Variants in MYF6 observed in about 807,000 individuals in gnomAD.
MYF6 encodes the protein class C basic helix-loop-helix protein 4.
In MYF6, 20 loss-of-function variants were observed where a neutral mutation model predicts 21.7. The observed-to-expected ratio is 0.92, with a 90% CI of 0.65 to 1.34. The LOEUF (loss-of-function observed/expected upper bound fraction) is 1.34, where lower values mean the gene tolerates loss of function less well. Among genes scored for constraint, MYF6 ranks in the 40% most tolerant of loss-of-function variants. The pLI is 0.00. For missense variants in MYF6, 320 were observed against 304.1 expected, an observed-to-expected ratio of 1.05 and a Z score of -0.39; for synonymous variants, 124 against 124.7, an observed-to-expected ratio of 0.99 and a Z score of 0.04.
chr12:80,707,914 C>A lies in MYF6; in HGVS notation c.195C>A (p.Pro65=), dbSNP rs1346181920. 1 of 1,614,004 alleles carries A rather than the reference C, an allele frequency of 6.2e-7. No individual in the cohort carries two copies. The highest frequency in any genetic ancestry group is 8.5e-7 in the Non-Finnish European group (1 of 1,180,028). The change falls in exon 1 of 3, where the codon CCC becomes CCA. Residue 65 remains proline, a synonymous_variant. Transcript: ENST00000228641. ...DSSGEEHVLA[P]PGLQPPHCPG... ...GCGGAGAGGAACATGTCCTGGCGCC[C>A]CCGGGCCTGCAGCCTCCACACTGCC...
In MYF6 at chr12:80,708,551, T is replaced by A; in HGVS notation, c.547T>A (p.Cys183Ser). 1 of 1,585,598 alleles carries A rather than the reference T, an allele frequency of 6.3e-7. No individual in the cohort carries two copies. The highest frequency in any genetic ancestry group is 8.6e-7 in the Non-Finnish European group (1 of 1,162,466). Reference protein sequence around the residue: ...NLEGADFLRTCSSQWPSVSDH... With the variant: ...NLEGADFLRTSSSQWPSVSDH... ...TGAGGGTGCGGATTTCCTGCGCACC[T>A]GCAGCTCCCAGTGGCCAAGTGTTTC... Residue 183 changes from cysteine (C) to serine (S), a missense_variant, in exon 2 of 3, where the codon TGC becomes AGC. Physicochemically the swap from Cys to Ser is moderately radical, Grantham distance 112 (BLOSUM62 -1). Transcript: ENST00000228641.
chr12:80,708,743 C>T, intron 2 of MYF6, 99 bp from the exon 3 acceptor site: 1 of 1,516,010 alleles, frequency 6.6e-7, no homozygotes, highest in Non-Finnish European at 9.2e-7. Context: ...GCGCCGGGAC[C>T]AGGCCTTTCC....
chr12:80,708,331 C>G, intron 1 of MYF6, 93 bp downstream of exon 1: 1 of 1,517,854 alleles, frequency 6.6e-7, no homozygotes, highest in Non-Finnish European at 8.9e-7. Context: ...TCTTTTTTCC[C>G]TTCCCCCTTT....
rs533851756 is a variant in MYF6 at position 80,709,328 on chromosome 12, TG to T, written c.*369del. ...TCTAAAGTGGGAAAGTTGCATTTAA[TG>T]TTAGGGGTATTTAATGTATTTTTGT... is the stretch of plus-strand genomic sequence containing the variant. On this transcript the variant is annotated 3_prime_UTR_variant, in exon 3 of 3. Coordinates refer to ENST00000228641, the MANE Select transcript of MYF6 (RefSeq NM_002469.3). 1.8e-4 allele frequency: 37 copies of T among 200,916 alleles called. No individual in the cohort carries two copies. In the Admixed American group the frequency reaches 1.9e-3, roughly 10 times the overall value. The allele number at this position is 200,916 out of a possible 1,614,324, so 12.4% of individuals were successfully genotyped here. A position where few individuals can be genotyped will look rare whatever the true frequency, so the allele number is the denominator to read the frequency against.
chr12:80,708,759 G>A, intron 2 of MYF6, 83 bp from the exon 3 acceptor site: 1 of 1,536,814 alleles, frequency 6.5e-7, no homozygotes, highest in Non-Finnish European at 9.0e-7. Context: ...TTTCCTCGCT[G>A]CCAAAGCGGC....
At chr12:80,708,473 C>T (rs1413235683) in intron 1 of MYF6, 51 bp from the exon 2 acceptor site, 6 of 1,529,742 alleles carry the variant, frequency 3.9e-6, no homozygotes, top group East Asian at 2.2e-5. Context: ...ACCCCAACCC[C>T]GGAACCGATG....
Position 80,709,180 on chromosome 12 carries a change from T to A in MYF6, c.*220T>A, listed in dbSNP as rs944968745. On this transcript the variant is annotated 3_prime_UTR_variant, in exon 3 of 3. Transcript: ENST00000228641. ...ACGCCTTTCGGCTTTGGGCTTTTAT[T>A]TTTTTGGAACTGCGAGTGGCTTAGG... 8 of 543,300 alleles carry A rather than the reference T, an allele frequency of 1.5e-5. No homozygotes were observed. Among genetic ancestry groups the A allele is most frequent in the Non-Finnish European group, 2.0e-5 (6 of 302,394 alleles). The allele number at this position is 543,300 out of a possible 1,614,324, so 33.7% of individuals were successfully genotyped here. A position where few individuals can be genotyped will look rare whatever the true frequency, so the allele number is the denominator to read the frequency against.
chr12:80,707,654 G>A lies in MYF6; in HGVS notation c.-66G>A, dbSNP rs1051550337. 1.9e-6 allele frequency: 3 copies of A among 1,586,294 alleles called. No homozygotes were observed. In the African/African-American group the frequency reaches 4.0e-5, roughly 21 times the overall value. ...ACTGCACTAATTAAATGCCATCTGG[G>A]TGGTTCCTCTGGGTTTTTGAGTCCA... On this transcript the variant is annotated 5_prime_UTR_variant, in exon 1 of 3. The change creates a new upstream start codon in the 5' untranslated region. Coordinates refer to ENST00000228641, the MANE Select transcript of MYF6 (RefSeq NM_002469.3).
chr12:80,708,048 A>C lies in MYF6; in HGVS notation c.329A>C (p.Asn110Thr), dbSNP rs201582131. ...LRERRRLKKI[N>T]EAFEALKRRT... is the part of the protein sequence containing the mutation. ...GAAAGGAGGAGGCTAAAGAAAATCA[A>C]CGAGGCCTTCGAGGCACTGAAGCGG... The change falls in exon 1 of 3, where the codon AAC becomes ACC. Residue 110 changes from asparagine (N) to threonine (T), a missense_variant. Asn to Thr is a moderately conservative substitution (Grantham distance 65, BLOSUM62 0). Transcript: ENST00000228641. 10 of 1,614,152 alleles carry C rather than the reference A, an allele frequency of 6.2e-6. No individual in the cohort carries two copies. Among genetic ancestry groups the C allele is most frequent in the Non-Finnish European group, 7.6e-6 (9 of 1,180,034 alleles).
rs571763500 is a variant in MYF6 at position 80,709,422 on chromosome 12, A to G, written c.*462A>G. The stretch of plus-strand genomic sequence containing the variant: ...ATTTTAAATGTGGAATGATGTATAT[A>G]AAATGTGCGAGGATCCTGGTATTGT... On this transcript the variant is annotated 3_prime_UTR_variant, in exon 3 of 3. Coordinates refer to ENST00000228641, the MANE Select transcript of MYF6 (RefSeq NM_002469.3). The G allele has an allele frequency of 6.3e-6, 1 of 158,264 alleles. No individual in the cohort carries two copies. The highest frequency in any genetic ancestry group is 1.9e-4 in the South Asian group (1 of 5,340). The allele number at this position is 158,264 out of a possible 1,614,324, so 9.8% of individuals were successfully genotyped here. A position where few individuals can be genotyped will look rare whatever the true frequency, so the allele number is the denominator to read the frequency against.
chr12:80,707,808 G>C lies in MYF6; in HGVS notation c.89G>C (p.Gly30Ala). ...CTGCAGCCATTAGAAGTGGCAGAAG[G>C]CTCTCCTTTGTATCCAGGGAGTGAT... ...VTLQPLEVAEGSPLYPGSDGT... is the reference protein window; with the variant it reads ...VTLQPLEVAEASPLYPGSDGT... Residue 30 changes from glycine (G) to alanine (A), a missense_variant, in exon 1 of 3, where the codon GGC becomes GCC. Coordinates refer to ENST00000228641, the MANE Select transcript of MYF6 (RefSeq NM_002469.3). 6.2e-7 allele frequency: 1 copy of C among 1,614,170 alleles called. No individual in the cohort carries two copies. Among genetic ancestry groups the C allele is most frequent in the Non-Finnish European group, 8.5e-7 (1 of 1,180,022 alleles).
chr12:80,708,295 C>A (rs2121345017), intron 1 of MYF6, 57 bp downstream of exon 1: 1 of 1,575,022 alleles, frequency 6.3e-7, no homozygotes, highest in East Asian at 2.2e-5. Flanking sequence ...ACGCCTTCCG[C>A]GGGGCCTTAA....
At position 80,708,996 on chromosome 12, in the gene MYF6, G is replaced by A. The variant is rs868391302; in HGVS notation, c.*36G>A. Reference sequence around the variant, plus strand: ...GCTTGAGACCTTCTCCACGCAGCAGGAAGATCCCACCGACCCTTCCTGGCC... The same window carrying A: ...GCTTGAGACCTTCTCCACGCAGCAGAAAGATCCCACCGACCCTTCCTGGCC... On this transcript the variant is annotated 3_prime_UTR_variant, in exon 3 of 3. Coordinates refer to ENST00000228641, the MANE Select transcript of MYF6 (RefSeq NM_002469.3). 3 of 1,512,468 alleles carry A rather than the reference G, an allele frequency of 2.0e-6. No individual in the cohort carries two copies. The highest frequency in any genetic ancestry group is 1.8e-6 in the Non-Finnish European group (2 of 1,087,782). 93.7% of individuals were successfully genotyped at this position (1,512,468 alleles called of 1,614,324 possible). A position where few individuals can be genotyped will look rare whatever the true frequency, so the allele number is the denominator to read the frequency against.
Position 80,708,478 on chromosome 12 carries a change from C to T in MYF6, c.520-46C>T, listed in dbSNP as rs1054916392. The T allele has an allele frequency of 2.6e-6, 3 of 1,158,474 alleles. No individual in the cohort carries two copies. The South Asian group carries it at 3.7e-5, about 14-fold the overall frequency. 71.8% of individuals were successfully genotyped at this position (1,158,474 alleles called of 1,614,324 possible). On this transcript the variant is annotated intron_variant, in intron 1 of 2. Transcript: ENST00000228641. ...CCCCCACCCCACCCCAACCCCGGAA[C>T]CGATGTTTCTTTCCTAATCTGCCGC...
chr12:80,708,664 T>C (rs1175722056), intron 2 of MYF6, 50 bp downstream of exon 2: 1 of 1,587,766 alleles, frequency 6.3e-7, no homozygotes. Context: ...GGGAGGTGGA[T>C]AGGATGCTTG....
chr12:80,708,463 A>ACCC, intron 1 of MYF6, 61 bp from the exon 2 acceptor site: 1 of 631,390 alleles, frequency 1.6e-6, no homozygotes, highest in Non-Finnish European at 2.8e-6. Flanking sequence ...CCCCCACCCC[A>ACCC]CCCCAACCCC....
intron 1 of MYF6, 35 bp downstream of exon 1, chr12:80,708,273 A>G (rs1868402511): frequency 1.3e-6 from 2 of 1,594,252 alleles, no homozygotes; most frequent in Non-Finnish European, 1.7e-6. Flanking sequence ...GGGAAATGCG[A>G]AGGCTGATTA....
At position 80,708,534 on chromosome 12, in the gene MYF6, C is replaced by A. The variant is rs770081936; in HGVS notation, c.530C>A (p.Ala177Glu). Reference sequence around the variant, plus strand: ...TGGTTTTCCCTCCAGCTTGAGGGTGCGGATTTCCTGCGCACCTGCAGCTCC... The same window carrying A: ...TGGTTTTCCCTCCAGCTTGAGGGTGAGGATTTCCTGCGCACCTGCAGCTCC... ...YRPKQENLEG[A>E]DFLRTCSSQW... is the part of the protein sequence containing the mutation. Residue 177 changes from alanine (A) to glutamate (E), a missense_variant, in exon 2 of 3, where the codon GCG becomes GAG. Coordinates refer to ENST00000228641, the MANE Select transcript of MYF6 (RefSeq NM_002469.3). 30 of 1,508,550 alleles carry A rather than the reference C, an allele frequency of 2.0e-5. No individual in the cohort carries two copies. The East Asian group carries it at 6.2e-4, about 31-fold the overall frequency. The allele number at this position is 1,508,550 out of a possible 1,614,324, so 93.4% of individuals were successfully genotyped here.
At chr12:80,708,818 T>G in intron 2 of MYF6, 24 bp from the exon 3 acceptor site, 1 of 1,594,102 alleles carries the variant, frequency 6.3e-7, no homozygotes, top group Non-Finnish European at 8.6e-7. Context: ...GGGTGCTATG[T>G]TTGTGTGTTG....
Sources: allele counts gnomAD v4.1 joint callset, GRCh38; gene constraint gnomAD v4.1.1; transcripts MANE v1.5; gene names NCBI Gene and HGNC (gene_info 2026-07-23, HGNC 2026-07-21).